Variants in STPG2 observed in about 807,000 individuals in gnomAD.
The protein encoded by STPG2 is sperm tail PG-rich repeat containing 2, also known as sperm-tail PG-rich repeat-containing protein 2.
STPG2 carries 56 observed loss-of-function variants against 54.2 expected under a neutral mutation model. That is an observed-to-expected ratio of 1.03 (90% CI 0.83 to 1.29). The LOEUF is 1.29. Ranked by LOEUF, STPG2 falls within the 50% of genes most tolerant of loss-of-function variation. STPG2 has a pLI of 0.00. For missense variants in STPG2, 596 were observed against 544.9 expected, an observed-to-expected ratio of 1.09 and a Z score of -0.93; for synonymous variants, 200 against 181.8, an observed-to-expected ratio of 1.10 and a Z score of -0.81.
intron 3 of STPG2, among the ~76,000 whole-genome samples, chr4:98,123,448 C>T (rs563480298): frequency 6.6e-6 from 1 of 152,264 alleles, no homozygotes; most frequent in Non-Finnish European, 1.5e-5. Context: ...ATTATTTACC[C>T]AGGAGTCATT....
chr4:97,946,876 CTCT>C (rs1190180951), intron 7 of STPG2, among the ~76,000 whole-genome samples: 3 of 152,084 alleles, frequency 2.0e-5, no homozygotes, highest in Non-Finnish European at 2.9e-5. Flanking sequence ...GCTAAGCAGG[CTCT>C]TTTTTGATTC....
At chr4:97,978,477 T>C (rs552317020) in intron 6 of STPG2, among the ~76,000 whole-genome samples, 5 of 151,894 alleles carry the variant, frequency 3.3e-5, no homozygotes, top group South Asian at 2.1e-4. Context: ...AATGGACACA[T>C]AGAGAGGAAC....
intron 8 of STPG2, among the ~76,000 whole-genome samples, chr4:97,878,870 T>C (rs912457981): frequency 4.6e-5 from 7 of 152,324 alleles, no homozygotes; most frequent in African/African-American, 7.2e-5. Flanking sequence ...CTGCAAATTT[T>C]CTAAGCTTTT....
chr4:97,967,060 T>A lies in STPG2; in HGVS notation c.933+5220A>T, dbSNP rs1046516976. Among the ~76,000 whole-genome samples the A allele has an allele frequency of 2.0e-5, 3 of 151,560 alleles. No homozygotes were observed. In the East Asian group the frequency reaches 5.9e-4, roughly 30 times the overall value. The stretch of plus-strand genomic sequence containing the variant: ...GAATGCCCCAATTAAAAGACACAGA[T>A]GGGCAAATTGGATAAAGGGTCAAGA... On this transcript the variant is annotated intron_variant, in intron 7 of 10. Coordinates refer to ENST00000295268, the MANE Select transcript of STPG2 (RefSeq NM_174952.3).
chr4:98,085,044 A>C, intron 5 of STPG2, among the ~76,000 whole-genome samples: 1 of 151,882 alleles, frequency 6.6e-6, no homozygotes, highest in East Asian at 1.9e-4. Flanking sequence ...AATTGTACAG[A>C]TTTTCTCCAG....
intron 8 of STPG2, among the ~76,000 whole-genome samples, chr4:97,877,439 A>G (rs1730218440): frequency 6.6e-6 from 1 of 152,188 alleles, no homozygotes; most frequent in Admixed American, 6.5e-5. Flanking sequence ...TGGGTAATTT[A>G]TAAAGAAAAA....
At chr4:97,555,010 A>G (rs1262657903), downstream of STPG2, among the ~76,000 whole-genome samples, 1 of 152,206 alleles carries the variant, frequency 6.6e-6, no homozygotes, top group African/African-American at 2.4e-5. Flanking sequence ...TAAAATTTAC[A>G]TCTATAAAGT....
rs561306116 is a variant in STPG2 at position 97,498,825 on chromosome 4, T to TA, written c.462+213873dup. Among the ~76,000 whole-genome samples, 196 of 148,554 alleles carry TA rather than the reference T, an allele frequency of 1.3e-3. 1 individual carries two copies. Among genetic ancestry groups the TA allele is most frequent in the African/African-American group, 4.5e-3 (182 of 40,446 alleles). ...CTCTCTCCCACAATATTTAACAAAA[T>TA]AAAAAAAAAGTAAAAATAACAACAA... On this transcript the variant is annotated intron_variant, in intron 4 of 4. Transcript: ENST00000522676.
intron 5 of STPG2, among the ~76,000 whole-genome samples, chr4:98,023,781 G>T (rs1353129718): frequency 6.6e-6 from 1 of 152,170 alleles, no homozygotes; most frequent in Admixed American, 6.5e-5. Flanking sequence ...TTTGATCTCA[G>T]ACTGCTGTGC....
chr4:97,453,346 G>A (rs115452590), intron 4 of STPG2, among the ~76,000 whole-genome samples: 2 of 152,160 alleles, frequency 1.3e-5, no homozygotes, highest in Non-Finnish European at 2.9e-5. Context: ...CCCCACACTT[G>A]CTCACACACC....
chr4:97,454,011 C>G (rs894032889), intron 4 of STPG2, among the ~76,000 whole-genome samples: 4 of 152,016 alleles, frequency 2.6e-5, no homozygotes, highest in African/African-American at 9.7e-5. Flanking sequence ...TCCCCAAAGG[C>G]TCCTAGATCT....
At chr4:97,441,789 G>A (rs1213306287) in intron 4 of STPG2, among the ~76,000 whole-genome samples, 2 of 151,776 alleles carry the variant, frequency 1.3e-5, no homozygotes, top group African/African-American at 4.8e-5. Flanking sequence ...GTACTTAAAG[G>A]CATATATAGA....
chr4:97,665,883 C>T (rs537407266), intron 10 of STPG2, among the ~76,000 whole-genome samples: 23 of 152,262 alleles, frequency 1.5e-4, no homozygotes, highest in African/African-American at 5.1e-4. Context: ...TGGAGTGAGA[C>T]AGTGCCCAGG....
At chr4:97,552,771 A>G (rs1425164145) in intron 4 of STPG2, among the ~76,000 whole-genome samples, 3 of 152,222 alleles carry the variant, frequency 2.0e-5, no homozygotes, top group Non-Finnish European at 4.4e-5. Context: ...TACAGATACA[A>G]ATACTAACTG....
chr4:97,497,983 C>A (rs1400551204), intron 4 of STPG2, among the ~76,000 whole-genome samples: 1 of 151,842 alleles, frequency 6.6e-6, no homozygotes, highest in South Asian at 2.1e-4. Flanking sequence ...GTTCCCCTGA[C>A]TGTGTGCAGG....
chr4:98,048,610 C>T (rs1430623124), intron 5 of STPG2: 5 of 173,372 alleles, frequency 2.9e-5, no homozygotes, highest in Non-Finnish European at 5.1e-5. Flanking sequence ...GCCAGCCCTG[C>T]GGAGGAGAGT....
chr4:97,677,043 CT>C (rs1722873121), intron 10 of STPG2, among the ~76,000 whole-genome samples: 1 of 152,000 alleles, frequency 6.6e-6, no homozygotes, highest in African/African-American at 2.4e-5. Context: ...GTAGTTTTTA[CT>C]TTTTGTTTTT....
At chr4:97,843,047 A>G (rs1044918151) in intron 8 of STPG2, among the ~76,000 whole-genome samples, 1 of 151,870 alleles carries the variant, frequency 6.6e-6, no homozygotes, top group African/African-American at 2.4e-5. Context: ...GCTGAATACC[A>G]TTGTCAGGGA....
At chr4:97,613,529 C>T (rs113510986) in intron 10 of STPG2, among the ~76,000 whole-genome samples, 5 of 142,414 alleles carry the variant, frequency 3.5e-5, no homozygotes, top group East Asian at 2.1e-4. Flanking sequence ...TATGCACGTG[C>T]GTGTGTGTGT....
Sources: gnomAD v4.1 joint callset for allele counts (sites outside exome capture counted in the v4.1 genomes callset) on GRCh38, gnomAD v4.1.1 for gene constraint, MANE v1.5 for transcripts, NCBI Gene and HGNC (gene_info 2026-07-23, HGNC 2026-07-21) for gene names.